The following LIN7A variants were observed in gnomAD, a reference collection of about 807,000 sequenced individuals.
LIN7A encodes the protein protein lin-7 homolog A.
A neutral mutation model predicts 29.8 loss-of-function variants in LIN7A; 25 were observed. The observed-to-expected ratio is 0.84, with a 90% CI of 0.61 to 1.17. The LOEUF is 1.17. Ranked by LOEUF, LIN7A falls within the 50% of genes most tolerant of loss-of-function variation. The pLI, the probability that LIN7A is intolerant of heterozygous loss-of-function variation, is 0.00. For missense variants in LIN7A, 239 were observed against 287.0 expected, an observed-to-expected ratio of 0.83 and a Z score of 1.21; for synonymous variants, 118 against 107.5, an observed-to-expected ratio of 1.10 and a Z score of -0.60.
chr12:80,832,527 C>A (rs908007735), intron 4 of LIN7A: 2 of 479,916 alleles, frequency 4.2e-6, no homozygotes, highest in Non-Finnish European at 8.7e-6. Flanking sequence ...ATCTCTTTTC[C>A]AGAATGCTCC....
chr12:80,929,139 C>A (rs1276277303), intron 1 of LIN7A, among the ~76,000 whole-genome samples: 1 of 152,052 alleles, frequency 6.6e-6, no homozygotes, highest in Non-Finnish European at 1.5e-5. Flanking sequence ...CCTTCAATGG[C>A]AAAAACCTCA....
rs570188198 is a variant in LIN7A at position 80,889,501 on chromosome 12, T to G, written c.83-132A>C. ...TAAATTGCATAATCAGAACTTATAT[T>G]CATAGCTTTTTGGTCTCATCTTTTG... On this transcript the variant is annotated intron_variant, in intron 1 of 5. Coordinates refer to ENST00000552864, the MANE Select transcript of LIN7A (RefSeq NM_004664.4). The G allele has an allele frequency of 1.1e-5, 7 of 616,218 alleles. No individual in the cohort carries two copies. In the Admixed American group the frequency reaches 2.1e-4, roughly 19 times the overall value. The allele number at this position is 616,218 out of a possible 1,614,324, so 38.2% of individuals were successfully genotyped here.
chr12:80,839,572 TG>T (rs1872720565), intron 4 of LIN7A, among the ~76,000 whole-genome samples: 2 of 152,246 alleles, frequency 1.3e-5, no homozygotes, highest in African/African-American at 4.8e-5. Context: ...AATCTTGCAG[TG>T]TAGTTCATAG....
intron 4 of LIN7A, among the ~76,000 whole-genome samples, chr12:80,840,531 G>A (rs1230322784): frequency 6.6e-6 from 1 of 152,128 alleles, no homozygotes; most frequent in Non-Finnish European, 1.5e-5. Context: ...TCTTTCATGA[G>A]ACTGTGTTTC....
intron 4 of LIN7A, among the ~76,000 whole-genome samples, chr12:80,844,452 A>C (rs1872964711): frequency 6.6e-6 from 1 of 152,190 alleles, no homozygotes; most frequent in African/African-American, 2.4e-5. Flanking sequence ...ATACAGAAGA[A>C]TTTCATTCTA....
In LIN7A at chr12:80,793,501, C is replaced by G. The variant is rs1339673293; in HGVS notation, c.*4226G>C. 1 of 152,104 alleles carries G rather than the reference C, an allele frequency of 6.6e-6. No homozygotes were observed. Among genetic ancestry groups the G allele is most frequent in the African/African-American group, 2.4e-5 (1 of 41,418 alleles). The allele number at this position is 152,104 out of a possible 1,614,324, so 9.4% of individuals were successfully genotyped here. A position where few individuals can be genotyped will look rare whatever the true frequency, so the allele number is the denominator to read the frequency against. ...GAGGACCCAATGGACAGTAAACTCT[C>G]TAGTTATTGCTAGAGTAAATGTTGG... On this transcript the variant is annotated 3_prime_UTR_variant, in exon 6 of 6. Transcript: ENST00000552864.
intron 4 of LIN7A, among the ~76,000 whole-genome samples, chr12:80,840,025 C>T (rs965761610): frequency 1.1e-4 from 16 of 152,068 alleles, no homozygotes; most frequent in African/African-American, 3.4e-4. Context: ...TTTCAGTATG[C>T]CATATTTTTT....
Position 80,905,632 on chromosome 12 carries a change from A to G in LIN7A, c.83-16263T>C, listed in dbSNP as rs1876439935. Among the ~76,000 whole-genome samples, 3 of 152,274 alleles carry G rather than the reference A, an allele frequency of 2.0e-5. No homozygotes were observed. The South Asian group carries it at 6.2e-4, about 32-fold the overall frequency. ...TTTTCCCACTAACAGTTTTTGCCTC[A>G]TACACATGTATTTCAAAGCTATGGG... On this transcript the variant is annotated intron_variant, in intron 1 of 5. Coordinates refer to ENST00000552864, the MANE Select transcript of LIN7A (RefSeq NM_004664.4).
rs1166484660 is a variant in LIN7A at position 80,882,807 on chromosome 12, ATC to A, written c.201+6442_201+6443del. Among the ~76,000 whole-genome samples the A allele has an allele frequency of 2.6e-5, 4 of 152,304 alleles. No homozygotes were observed. The East Asian group carries it at 7.7e-4, about 29-fold the overall frequency. On this transcript the variant is annotated intron_variant, in intron 2 of 5. Transcript: ENST00000552864. ...TATTAGTCAAGGTATGTAATCTGCT[ATC>A]TCATTTTATTTAATCTTTCTGACAA...
At chr12:80,890,769 G>A (rs561805928) in intron 1 of LIN7A, among the ~76,000 whole-genome samples, 3 of 152,136 alleles carry the variant, frequency 2.0e-5, no homozygotes, top group Non-Finnish European at 2.9e-5. Context: ...AGACACTTCC[G>A]TAATCAATAA....
chr12:80,853,667 T>C (rs1873445805), intron 2 of LIN7A, among the ~76,000 whole-genome samples: 1 of 151,896 alleles, frequency 6.6e-6, no homozygotes, highest in Non-Finnish European at 1.5e-5. Flanking sequence ...TGACGATATC[T>C]AGTGTAGGTG....
intron 4 of LIN7A, among the ~76,000 whole-genome samples, chr12:80,816,170 G>A (rs1011869367): frequency 2.0e-4 from 30 of 152,138 alleles, no homozygotes; most frequent in Admixed American, 2.0e-4. Flanking sequence ...GGAGGCTGAG[G>A]CAGGAAGGAA....
At chr12:80,822,464 A>T (rs11114628) in intron 4 of LIN7A, among the ~76,000 whole-genome samples, 2 of 152,006 alleles carry the variant, frequency 1.3e-5, no homozygotes, top group Non-Finnish European at 1.5e-5. Context: ...AGGCTGAGGC[A>T]GGAGAATTGC....
At chr12:80,895,856 A>G (rs939640394) in intron 1 of LIN7A, among the ~76,000 whole-genome samples, 1 of 152,208 alleles carries the variant, frequency 6.6e-6, no homozygotes, top group Non-Finnish European at 1.5e-5. Flanking sequence ...TGGAGTAGGA[A>G]GAAGGAAAGG....
intron 4 of LIN7A, among the ~76,000 whole-genome samples, chr12:80,813,888 T>C (rs1216289466): frequency 1.3e-5 from 2 of 152,030 alleles, no homozygotes; most frequent in Non-Finnish European, 2.9e-5. Context: ...AAAATCACTG[T>C]GCAGTGTGAT....
chr12:80,846,816 A>G (rs982370745), intron 3 of LIN7A, among the ~76,000 whole-genome samples: 20 of 152,224 alleles, frequency 1.3e-4, no homozygotes, highest in Non-Finnish European at 2.1e-4. Context: ...CTAACCCCAT[A>G]GAAATAAAAT....
intron 1 of LIN7A, among the ~76,000 whole-genome samples, chr12:80,894,885 A>G (rs972204374): frequency 5.3e-5 from 8 of 152,216 alleles, no homozygotes; most frequent in African/African-American, 1.9e-4. Flanking sequence ...AAAGAAAAAT[A>G]AAAACAACTA....
At chr12:80,848,376 CT>C in intron 2 of LIN7A, 54 bp from the exon 3 acceptor site, 1 of 1,269,660 alleles carries the variant, frequency 7.9e-7, no homozygotes. Flanking sequence ...AATAATAATT[CT>C]TTTATTGCAG....
chr12:80,931,863 A>G (rs1877931959), intron 1 of LIN7A, among the ~76,000 whole-genome samples: 1 of 152,176 alleles, frequency 6.6e-6, no homozygotes, highest in South Asian at 2.1e-4. Flanking sequence ...AGAGACATAA[A>G]ATATAGTCAG....
Sources: allele counts gnomAD v4.1 joint callset (sites outside exome capture counted in the v4.1 genomes callset), GRCh38; gene constraint gnomAD v4.1.1; transcripts MANE v1.5; gene names NCBI Gene and HGNC (gene_info 2026-07-23, HGNC 2026-07-21).